GRM7: variants seen among roughly 807,000 people sequenced by gnomAD.
GRM7 encodes metabotropic glutamate receptor 7.
Under a neutral mutation model 84.5 loss-of-function variants are expected in GRM7, and 35 were observed. That is an observed-to-expected ratio of 0.41 (90% CI 0.32 to 0.55). The LOEUF (loss-of-function observed/expected upper bound fraction) is 0.55, where lower values mean the gene tolerates loss of function less well. Ranked by LOEUF, GRM7 falls within the 20% of genes least tolerant of loss-of-function variation. The pLI is 0.19. For synonymous variants in GRM7, 487 were observed against 455.1 expected (o/e 1.07, Z -0.89); for missense variants, 1,003 against 1,194.6 (o/e 0.84, Z 2.36).
At chr3:7,470,792 C>G (rs1277917938) in intron 7 of GRM7, among the ~76,000 whole-genome samples, 1 of 151,972 alleles carries the variant, frequency 6.6e-6, no homozygotes, top group Non-Finnish European at 1.5e-5. Context: ...AACTCATTAT[C>G]ATCAAACCAA....
At chr3:7,266,359 T>C (rs1331850136) in intron 2 of GRM7, among the ~76,000 whole-genome samples, 2 of 152,192 alleles carry the variant, frequency 1.3e-5, no homozygotes, top group African/African-American at 4.8e-5. Flanking sequence ...TGCATGAAAT[T>C]ACAAGAGCTG....
intron 4 of GRM7, among the ~76,000 whole-genome samples, chr3:7,340,279 C>T (rs981992071): frequency 1.3e-5 from 2 of 151,994 alleles, no homozygotes; most frequent in South Asian, 2.1e-4. Context: ...AAGAACTGCT[C>T]GAGACTGGGC....
At chr3:7,280,126 C>A (rs978000984) in intron 2 of GRM7, among the ~76,000 whole-genome samples, 1 of 152,138 alleles carries the variant, frequency 6.6e-6, no homozygotes, top group African/African-American at 2.4e-5. Flanking sequence ...GGATATTTAG[C>A]ATTTCATACC....
At chr3:7,577,483 G>T (rs9879875) in intron 7 of GRM7, among the ~76,000 whole-genome samples, 1 of 151,954 alleles carries the variant, frequency 6.6e-6, no homozygotes, top group African/African-American at 2.4e-5. Flanking sequence ...AACTGATACC[G>T]GGGAAGAGAA....
intron 5 of GRM7, among the ~76,000 whole-genome samples, chr3:7,437,100 A>G (rs1181680506): frequency 1.3e-5 from 2 of 152,170 alleles, no homozygotes; most frequent in Non-Finnish European, 2.9e-5. Flanking sequence ...TGTTTTCTAG[A>G]TAACTAGCCA....
At chr3:7,061,329 GTGCTGGATAA>G (rs1206499118) in intron 1 of GRM7, among the ~76,000 whole-genome samples, 2 of 151,724 alleles carry the variant, frequency 1.3e-5, no homozygotes, top group Non-Finnish European at 2.9e-5. Flanking sequence ...ACTTTACTAT[GTGCTGGATAA>G]TGTTAAAGTT....
chr3:7,149,488 C>T (rs1024609824), intron 2 of GRM7, among the ~76,000 whole-genome samples: 3 of 152,080 alleles, frequency 2.0e-5, no homozygotes, highest in Admixed American at 6.6e-5. Context: ...TGGGCATATA[C>T]ATGGTTAGGG....
intron 1 of GRM7, among the ~76,000 whole-genome samples, chr3:6,943,451 T>A (rs558577310): frequency 6.6e-6 from 1 of 152,032 alleles, no homozygotes; most frequent in South Asian, 2.1e-4. Context: ...AACATCTCCA[T>A]TGAATTGCCT....
intron 1 of GRM7, among the ~76,000 whole-genome samples, chr3:6,899,682 G>A (rs1378910036): frequency 2.6e-5 from 4 of 152,068 alleles, no homozygotes; most frequent in Non-Finnish European, 5.9e-5. Context: ...AAAATCTCTG[G>A]CTTCATAAAC....
chr3:7,723,651 C>T (rs187634830), intron 9 of GRM7, among the ~76,000 whole-genome samples: 4 of 152,028 alleles, frequency 2.6e-5, no homozygotes, highest in South Asian at 2.1e-4. Context: ...GATTTCAACA[C>T]GAGCCTCGGT....
At chr3:6,939,632 A>G (rs1295708043) in intron 1 of GRM7, among the ~76,000 whole-genome samples, 1 of 152,184 alleles carries the variant, frequency 6.6e-6, no homozygotes, top group African/African-American at 2.4e-5. Context: ...ACAGTAGGCA[A>G]TTAATGCATA....
Position 7,578,562 on chromosome 3 carries a change from G to A in GRM7, c.1656G>A (p.Gln552=). 1.2e-6 allele frequency: 2 copies of A among 1,614,128 alleles called. No individual in the cohort carries two copies. The highest frequency in any genetic ancestry group is 1.1e-5 in the South Asian group (1 of 91,072). The part of the protein sequence containing the change: ...CWTCEPCDGY[Q]YQFDEMTCQH... ...CCTGTGAGCCTTGCGATGGTTACCA[G>A]TACCAGTTTGATGAGATGACATGCC... Residue 552 remains glutamine (Q), a synonymous_variant, in exon 8 of 10, where the codon CAG becomes CAA. Coordinates refer to ENST00000357716, the MANE Select transcript of GRM7 (RefSeq NM_000844.4).
chr3:7,376,497 T>G (rs536958072), intron 4 of GRM7, among the ~76,000 whole-genome samples: 1 of 152,272 alleles, frequency 6.6e-6, no homozygotes, highest in South Asian at 2.1e-4. Flanking sequence ...AAAATATAAG[T>G]CTTCCTGAGA....
chr3:7,512,552 A>G (rs1299263373), intron 7 of GRM7, among the ~76,000 whole-genome samples: 1 of 150,590 alleles, frequency 6.6e-6, no homozygotes, highest in Non-Finnish European at 1.5e-5. Flanking sequence ...AAGAAAATGG[A>G]TATGTAGGGA....
At position 7,448,117 on chromosome 3, in the gene GRM7, T is replaced by C. The variant is rs143028120; in HGVS notation, c.1175-4490T>C. On this transcript the variant is annotated intron_variant, in intron 5 of 9. Transcript: ENST00000357716. ...TGGCCGCATAGTATTCCATGGTGTA[T>C]ATGTGCCACATTTTCTTAATCCGGT... is the stretch of plus-strand genomic sequence containing the variant. Among the ~76,000 whole-genome samples, 1,093 of 151,988 alleles carry C rather than the reference T, an allele frequency of 7.2e-3. 18 individuals carry two copies. Among genetic ancestry groups the C allele is most frequent in the African/African-American group, 0.025 (1,018 of 41,434 alleles).
At chr3:7,058,630 C>T (rs1296445972) in intron 1 of GRM7, among the ~76,000 whole-genome samples, 2 of 151,858 alleles carry the variant, frequency 1.3e-5, no homozygotes, top group East Asian at 3.9e-4. Context: ...AGCACTTGAA[C>T]ATAAATTTAA....
chr3:7,231,253 C>G (rs888690369), intron 2 of GRM7, among the ~76,000 whole-genome samples: 2 of 151,982 alleles, frequency 1.3e-5, no homozygotes, highest in Non-Finnish European at 2.9e-5. Flanking sequence ...TACATAGAAC[C>G]CAACCAAAGA....
At chr3:7,114,968 A>G (rs1692982229) in intron 1 of GRM7, among the ~76,000 whole-genome samples, 1 of 152,098 alleles carries the variant, frequency 6.6e-6, no homozygotes, top group Non-Finnish European at 1.5e-5. Flanking sequence ...CATGAGAAGG[A>G]GCTCGGATGA....
rs1249000278 is a variant in GRM7, at chr3:7,486,370, C to G, written c.1515+24648C>G. ...TGATTTGAATATGACTTGTCCTCAG[C>G]AAAACTGAGGACAAGTTTTGCTGTT... On this transcript the variant is annotated intron_variant, in intron 7 of 9. Transcript: ENST00000357716. This position sits in a 1 kb window ranked among gnomAD's most constrained non-coding sequence, Gnocchi z 5.5. 6.6e-6 allele frequency among the ~76,000 whole-genome samples: 1 copy of G among 152,064 alleles called. No homozygotes were observed. The highest frequency in any genetic ancestry group is 2.4e-5 in the African/African-American group (1 of 41,408).
Sources: allele counts gnomAD v4.1 joint callset (sites outside exome capture counted in the v4.1 genomes callset), GRCh38; gene constraint gnomAD v4.1.1; non-coding constraint Gnocchi (gnomAD v3.1); transcripts MANE v1.5; gene names NCBI Gene and HGNC (gene_info 2026-07-23, HGNC 2026-07-21).